LIPA: variants seen among roughly 807,000 people sequenced by gnomAD.
The protein encoded by LIPA is lipase A, lysosomal acid type.
A neutral mutation model predicts 40.6 loss-of-function variants in LIPA; 26 were observed. That is an observed-to-expected ratio of 0.64 (90% CI 0.47 to 0.89). LIPA has a LOEUF of 0.89. Ranked by LOEUF, LIPA falls within the 40% of genes least tolerant of loss-of-function variation. The pLI is 0.00. For missense variants in LIPA, 455 were observed against 479.6 expected (o/e 0.95, Z 0.48); for synonymous variants, 188 against 168.4 (o/e 1.12, Z -0.90).
chr10:89,251,619 C>T (rs1843123821), intron 1 of LIPA, 118 bp downstream of exon 1: 1 of 152,280 alleles, frequency 6.6e-6, no homozygotes, highest in Non-Finnish European at 1.5e-5. Context: ...TCGCTGGGTC[C>T]AAACGCAGAG....
At chr10:89,278,310 C>G in intron 1 of LIPA, 1 of 152,172 alleles carries the variant, frequency 6.6e-6, no homozygotes, top group East Asian at 1.9e-4. Context: ...AAATCCATGA[C>G]AAGAATAGCT....
intron 1 of LIPA, chr10:89,340,817 T>G (rs534845776): frequency 6.6e-6 from 1 of 152,352 alleles, no homozygotes; most frequent in African/African-American, 2.4e-5. Flanking sequence ...CTTCTGGAAC[T>G]CAAAGATTAA....
chr10:89,228,734 G>A (rs575157033), intron 3 of LIPA, among the ~76,000 whole-genome samples: 14 of 152,018 alleles, frequency 9.2e-5, no homozygotes, highest in South Asian at 2.1e-4. Context: ...ATTTGCTTTC[G>A]TAATTGCATT....
At chr10:89,264,364 G>A (rs1489096383) in intron 1 of LIPA, among the ~76,000 whole-genome samples, 1 of 152,178 alleles carries the variant, frequency 6.6e-6, no homozygotes, top group East Asian at 1.9e-4. Context: ...TCCACAGGCA[G>A]GTTGTCCCAA....
At position 89,228,200 on chromosome 10, in the gene LIPA, C is replaced by T; in HGVS notation, c.428G>A (p.Ser143Asn). 6.2e-7 allele frequency: 1 copy of T among 1,613,064 alleles called. No individual in the cohort carries two copies. The highest frequency in any genetic ancestry group is 8.5e-7 in the Non-Finnish European group (1 of 1,179,078). Residue 143 changes from serine (S) to asparagine (N), a missense_variant and splice_region_variant, in exon 4 of 10, where the codon AGT becomes AAT. Coordinates refer to ENST00000336233, the MANE Select transcript of LIPA (RefSeq NM_000235.4). ...CATGCCATTATCAATTCATATATAC[C>T]TGAAAGCCCAGAATTCATCCTGAGA... is the stretch of plus-strand genomic sequence containing the variant. ...SVSQDEFWAFSYDEMAKYDLP... is the reference protein window; with the variant it reads ...SVSQDEFWAFNYDEMAKYDLP...
chr10:89,371,115 G>A (rs1376987859), intron 2 of LIPA, among the ~76,000 whole-genome samples: 1 of 152,230 alleles, frequency 6.6e-6, no homozygotes, highest in African/African-American at 2.4e-5. Context: ...ATTTAAAGCA[G>A]TAATCAGCCC....
intron 1 of LIPA, among the ~76,000 whole-genome samples, chr10:89,337,492 T>C (rs1843761173): frequency 6.6e-6 from 1 of 152,188 alleles, no homozygotes; most frequent in Admixed American, 6.5e-5. Flanking sequence ...TTTTGCCTCC[T>C]GGGCTCAAGT....
At chr10:89,410,790 G>A (rs1438587771) in intron 2 of LIPA, among the ~76,000 whole-genome samples, 1 of 152,200 alleles carries the variant, frequency 6.6e-6, no homozygotes, top group Non-Finnish European at 1.5e-5. Context: ...AAAACCCAAG[G>A]AGGTGGCAGT....
intron 2 of LIPA, among the ~76,000 whole-genome samples, chr10:89,372,105 C>G (rs1215699051): frequency 6.6e-6 from 1 of 152,204 alleles, no homozygotes; most frequent in African/African-American, 2.4e-5. Context: ...TCACAGAAAA[C>G]TTCCCGTCTC....
At chr10:89,310,665 G>A (rs1843510684) in intron 1 of LIPA, among the ~76,000 whole-genome samples, 1 of 152,220 alleles carries the variant, frequency 6.6e-6, no homozygotes, top group Admixed American at 6.5e-5. Context: ...TTGTAAGAGA[G>A]GCATTCTCAG....
rs1843616023 is a variant in LIPA at position 89,328,068 on chromosome 10, G to A, written c.-2+14543C>T. Reference sequence around the variant, plus strand: ...TTTCGGAACAGCAGAGACACAGAGGGCAGTCATGAGGTCAGTGAAATAAGA... The same window carrying A: ...TTTCGGAACAGCAGAGACACAGAGGACAGTCATGAGGTCAGTGAAATAAGA... On this transcript the variant is annotated intron_variant, in intron 1 of 5. Coordinates refer to the LIPA transcript ENST00000282673. The A allele has an allele frequency of 2.5e-6, 4 of 1,613,936 alleles. No individual in the cohort carries two copies. In the African/African-American group the frequency reaches 4.0e-5, roughly 16 times the overall value.
At chr10:89,391,968 T>C (rs1337678054) in intron 2 of LIPA, among the ~76,000 whole-genome samples, 2 of 152,230 alleles carry the variant, frequency 1.3e-5, no homozygotes, top group Non-Finnish European at 2.9e-5. Flanking sequence ...TACTGGAATT[T>C]GATTCAGAAT....
chr10:89,225,297 CCGTCACTCGCGA>C (rs955901575), intron 5 of LIPA, 69 bp from the exon 6 acceptor site: 201 of 1,596,000 alleles, frequency 1.3e-4, no homozygotes, highest in Non-Finnish European at 1.7e-4. Context: ...AACACAAAGG[CCGTCACTCGCGA>C]CGCCCTCTCG....
At chr10:89,272,911 T>C (rs754268741) in intron 1 of LIPA, among the ~76,000 whole-genome samples, 11 of 152,266 alleles carry the variant, frequency 7.2e-5, no homozygotes, top group Admixed American at 3.9e-4. Flanking sequence ...GAAGTGTTTG[T>C]TCATGTCCTT....
chr10:89,304,014 C>G (rs573902435), intron 1 of LIPA, among the ~76,000 whole-genome samples: 1 of 152,332 alleles, frequency 6.6e-6, no homozygotes, highest in African/African-American at 2.4e-5. Flanking sequence ...TCTGATCCTC[C>G]TGGGGTCACT....
intron 5 of LIPA, 138 bp downstream of exon 5, chr10:89,226,757 T>C (rs1842774579): frequency 3.1e-6 from 2 of 647,988 alleles, no homozygotes; most frequent in Non-Finnish European, 5.5e-6. Flanking sequence ...ACATTCCTTA[T>C]CTTATTCATT....
intron 1 of LIPA, chr10:89,340,232 G>T (rs1200872402): frequency 3.3e-6 from 4 of 1,223,070 alleles, no homozygotes; most frequent in Non-Finnish European, 4.5e-6. Context: ...GAGCAGGGAA[G>T]CTTTGCATGT....
At chr10:89,308,159 C>T (rs1221930574) in intron 1 of LIPA, 1 of 152,146 alleles carries the variant, frequency 6.6e-6, no homozygotes, top group Non-Finnish European at 1.5e-5. Context: ...TAGAAACCAA[C>T]ATAATGTATT....
At chr10:89,238,735 C>A (rs1589566456) in intron 3 of LIPA, among the ~76,000 whole-genome samples, 1 of 152,242 alleles carries the variant, frequency 6.6e-6, no homozygotes. Context: ...TTCCTTATAA[C>A]ATTTTCTTTT....
Sources: allele counts gnomAD v4.1 joint callset (sites outside exome capture counted in the v4.1 genomes callset), GRCh38; gene constraint gnomAD v4.1.1; transcripts MANE v1.5; gene names NCBI Gene and HGNC (gene_info 2026-07-23, HGNC 2026-07-21).